The following LUZP2 variants were observed in gnomAD, a reference collection of about 807,000 sequenced individuals.
LUZP2 encodes the protein leucine zipper protein 2.
In LUZP2, 52 loss-of-function variants were observed where a neutral mutation model predicts 51.6. That is an observed-to-expected ratio of 1.01 (90% confidence interval 0.81 to 1.27). The LOEUF (loss-of-function observed/expected upper bound fraction) is 1.27, where lower values mean the gene tolerates loss of function less well. Ranked by LOEUF, LUZP2 falls within the 50% of genes most tolerant of loss-of-function variation. The pLI is 0.00. For missense variants in LUZP2, 436 were observed against 395.4 expected, an observed-to-expected ratio of 1.10 and a Z score of -0.87; for synonymous variants, 154 against 137.3, an observed-to-expected ratio of 1.12 and a Z score of -0.85.
chr11:24,864,954 T>C (rs1057184849), intron 5 of LUZP2, among the ~76,000 whole-genome samples: 11 of 152,318 alleles, frequency 7.2e-5, no homozygotes, highest in African/African-American at 2.6e-4. Context: ...CATCTCACAA[T>C]TGCATATCGG....
chr11:25,026,755 T>G (rs1302037359), intron 9 of LUZP2, among the ~76,000 whole-genome samples: 1 of 152,052 alleles, frequency 6.6e-6, no homozygotes, highest in African/African-American at 2.4e-5. Flanking sequence ...ATGACAAGAG[T>G]TCTGTATATA....
At chr11:24,979,716 A>G (rs2133909376) in intron 8 of LUZP2, among the ~76,000 whole-genome samples, 1 of 151,952 alleles carries the variant, frequency 6.6e-6, no homozygotes, top group South Asian at 2.1e-4. Flanking sequence ...CTACTGGAAT[A>G]TAAAAGAAGC....
At chr11:24,560,268 T>A (rs7121909) in intron 1 of LUZP2, among the ~76,000 whole-genome samples, 63,484 of 151,982 alleles carry the variant, frequency 0.42, 13,784 homozygotes, top group African/African-American at 0.51. Flanking sequence ...AAAAGGTTGC[T>A]TGGAGGTCCA....
chr11:25,067,185 T>C (rs1458972115), intron 10 of LUZP2, among the ~76,000 whole-genome samples: 1 of 152,032 alleles, frequency 6.6e-6, no homozygotes, highest in Non-Finnish European at 1.5e-5. Context: ...AAAGGAACTT[T>C]AGAGAAGTGT....
At chr11:24,612,689 CTGGGT>C (rs1854160493) in intron 1 of LUZP2, among the ~76,000 whole-genome samples, 1 of 152,028 alleles carries the variant, frequency 6.6e-6, no homozygotes, top group African/African-American at 2.4e-5. Flanking sequence ...ATGTTTTCTG[CTGGGT>C]ATAAAGTGGA....
At chr11:24,711,245 C>A (rs186797539) in intron 1 of LUZP2, among the ~76,000 whole-genome samples, 86 of 151,312 alleles carry the variant, frequency 5.7e-4, no homozygotes, top group Admixed American at 4.9e-3. Flanking sequence ...GTCAGGAGAT[C>A]GAGACCATCC....
rs116073450 is a variant in LUZP2 at position 24,620,108 on chromosome 11, A to G, written c.63-109061A>G. Among the ~76,000 whole-genome samples the G allele has an allele frequency of 8.8e-3, 1,340 of 152,296 alleles. 23 individuals carry two copies. The highest frequency in any genetic ancestry group is 0.031 in the African/African-American group (1,291 of 41,562). On this transcript the variant is annotated intron_variant, in intron 1 of 11. Coordinates refer to ENST00000336930, the MANE Select transcript of LUZP2 (RefSeq NM_001009909.4). ...AGTTTAAGCTTAATTAAATAGATAT[A>G]TTTTAGTCAGTGAGTCTAAAGCCAA...
At chr11:24,701,804 G>A (rs1314265588) in intron 1 of LUZP2, among the ~76,000 whole-genome samples, 2 of 152,056 alleles carry the variant, frequency 1.3e-5, no homozygotes, top group African/African-American at 4.8e-5. Context: ...ATTGAATTAT[G>A]GGAGGCTTTG....
intron 1 of LUZP2, among the ~76,000 whole-genome samples, chr11:24,551,111 T>C (rs528692310): frequency 6.6e-6 from 1 of 152,206 alleles, no homozygotes; most frequent in South Asian, 2.1e-4. Context: ...CATTTATTCC[T>C]AAGAAAATAG....
At chr11:24,960,122 C>A (rs1232090716) in intron 7 of LUZP2, among the ~76,000 whole-genome samples, 1 of 152,092 alleles carries the variant, frequency 6.6e-6, no homozygotes, top group African/African-American at 2.4e-5. Flanking sequence ...GGTGGATAAG[C>A]TTTTTGATGT....
chr11:24,761,547 C>A (rs973046808), intron 4 of LUZP2, among the ~76,000 whole-genome samples: 1 of 152,076 alleles, frequency 6.6e-6, no homozygotes, highest in African/African-American at 2.4e-5. Flanking sequence ...ATTGCTAATG[C>A]CAGAGCTGTA....
chr11:24,614,356 T>G (rs993803823), intron 1 of LUZP2, among the ~76,000 whole-genome samples: 2 of 152,012 alleles, frequency 1.3e-5, no homozygotes, highest in Non-Finnish European at 2.9e-5. Flanking sequence ...TGAACTTGTG[T>G]TACTTTAACT....
chr11:24,674,843 T>G (rs2133856557), intron 1 of LUZP2, among the ~76,000 whole-genome samples: 1 of 152,334 alleles, frequency 6.6e-6, no homozygotes, highest in Non-Finnish European at 1.5e-5. Context: ...TTATGCCTTT[T>G]CCCCACAGAT....
chr11:25,044,439 C>T (rs1858227524), intron 9 of LUZP2, among the ~76,000 whole-genome samples: 1 of 151,730 alleles, frequency 6.6e-6, no homozygotes, highest in South Asian at 2.1e-4. Flanking sequence ...AAGGAGCCAT[C>T]TCACTGATGG....
chr11:24,937,534 T>C (rs1320186091), intron 7 of LUZP2, among the ~76,000 whole-genome samples: 1 of 152,226 alleles, frequency 6.6e-6, no homozygotes, highest in Non-Finnish European at 1.5e-5. Context: ...CTCGGGGAAA[T>C]TTATTTCACA....
At chr11:24,972,301 C>A (rs1855763878) in intron 7 of LUZP2, among the ~76,000 whole-genome samples, 1 of 151,916 alleles carries the variant, frequency 6.6e-6, no homozygotes, top group Non-Finnish European at 1.5e-5. Context: ...GTAATATAAA[C>A]TGTATTACTT....
intron 1 of LUZP2, among the ~76,000 whole-genome samples, chr11:24,539,370 C>T (rs1302706308): frequency 6.6e-6 from 1 of 151,890 alleles, no homozygotes; most frequent in African/African-American, 2.4e-5. Flanking sequence ...TAACTCTCCA[C>T]TTCACTCTCA....
intron 5 of LUZP2, among the ~76,000 whole-genome samples, chr11:24,903,846 C>G (rs1853355112): frequency 2.0e-5 from 3 of 152,062 alleles, no homozygotes; most frequent in Admixed American, 1.3e-4. Context: ...TGCCTTTGAA[C>G]TAGGTCAATT....
Position 25,050,132 on chromosome 11 carries a change from T to G in LUZP2, c.858+2T>G. ...ACCACTGCCTGTGACTCTCAAGATGTAAGAAAAACTTAAGATGCTTTTTAC... is the reference window on the plus strand; with the variant it reads ...ACCACTGCCTGTGACTCTCAAGATGGAAGAAAAACTTAAGATGCTTTTTAC... On this transcript the variant is annotated splice_donor_variant, in intron 10 of 11. Transcript: ENST00000336930. LOFTEE classifies it high-confidence loss of function. The G allele has an allele frequency of 6.4e-7, 1 of 1,574,402 alleles. No individual in the cohort carries two copies. The highest frequency in any genetic ancestry group is 1.2e-5 in the South Asian group (1 of 86,306).
Sources: allele counts gnomAD v4.1 joint callset (sites outside exome capture counted in the v4.1 genomes callset), GRCh38; gene constraint gnomAD v4.1.1; transcripts MANE v1.5; gene names NCBI Gene and HGNC (gene_info 2026-07-23, HGNC 2026-07-21).